The following PCDHGB4 variants were observed in gnomAD, a reference collection of about 807,000 sequenced individuals.
PCDHGB4 encodes protocadherin gamma-B4.
A neutral mutation model predicts 60.5 loss-of-function variants in PCDHGB4; 38 were observed. The ratio of observed to expected loss-of-function variants is 0.63; its 90% confidence interval spans 0.48 to 0.82. PCDHGB4 has a LOEUF of 0.82. Ranked by LOEUF, PCDHGB4 falls within the 40% of genes least tolerant of loss-of-function variation. The probability of loss-of-function intolerance (pLI) is 0.00; values close to 1 mark genes in which losing one functional copy is unlikely to be tolerated. For synonymous variants in PCDHGB4, 456 were observed against 509.7 expected (o/e 0.89, Z 1.42); for missense variants, 1,109 against 1,209.6 (o/e 0.92, Z 1.23).
In PCDHGB4 at chr5:141,394,367, A is replaced by G. The variant is rs201573539; in HGVS notation, c.2397+4086A>G. 248 of 1,614,150 alleles carry G rather than the reference A, an allele frequency of 1.5e-4. 1 individual carries two copies. Among genetic ancestry groups the G allele is most frequent in the Middle Eastern group, 1.2e-3 (7 of 6,062 alleles). The stretch of plus-strand genomic sequence containing the variant: ...ACACCGGTGTCCTGTATGCGCTGCA[A>G]TCTTTCGACTATGAGCAGATCCGAG... On this transcript the variant is annotated intron_variant, in intron 1 of 3. Coordinates refer to ENST00000519479, the MANE Select transcript of PCDHGB4 (RefSeq NM_003736.4).
chr5:141,409,022 A>G (rs1258261622), intron 1 of PCDHGB4: 1 of 1,614,046 alleles, frequency 6.2e-7, no homozygotes, highest in Non-Finnish European at 8.5e-7. Flanking sequence ...TGAGGGGGTC[A>G]ATGCTGAGAT....
rs759346998 is a variant in PCDHGB4 at position 141,410,849 on chromosome 5, C to CTTTTTTTTTTTTT, written c.2397+20578_2397+20590dup. 1.9e-3 allele frequency: 267 copies of CTTTTTTTTTTTTT among 138,158 alleles called. 27 individuals carry two copies. The highest frequency in any genetic ancestry group is 5.5e-3 in the African/African-American group (91 of 16,622). 8.6% of individuals were successfully genotyped at this position (138,158 alleles called of 1,614,324 possible). A position where few individuals can be genotyped will look rare whatever the true frequency, so the allele number is the denominator to read the frequency against. ...CAGACTGAAGATATTTTGTCTTTGT[C>CTTTTTTTTTTTTT]TTTTTTTTTTTTTTTTTTTTTTGAG... On this transcript the variant is annotated intron_variant, in intron 1 of 3. Coordinates refer to ENST00000519479, the MANE Select transcript of PCDHGB4 (RefSeq NM_003736.4).
At position 141,485,163 on chromosome 5, in the gene PCDHGB4, G is replaced by A. The variant is rs2099608470; in HGVS notation, c.2398-9644G>A. 14 of 1,604,624 alleles carry A rather than the reference G, an allele frequency of 8.7e-6. No individual in the cohort carries two copies. The highest frequency in any genetic ancestry group is 1.1e-5 in the Non-Finnish European group (13 of 1,172,560). ...TCTCAGGAGCAAGTAGAGAATTAGCGGGCGGCAGCAATGCTCCGCAAGGTG... is the reference window on the plus strand; with the variant it reads ...TCTCAGGAGCAAGTAGAGAATTAGCAGGCGGCAGCAATGCTCCGCAAGGTG... On this transcript the variant is annotated intron_variant, in intron 1 of 3. Coordinates refer to ENST00000519479, the MANE Select transcript of PCDHGB4 (RefSeq NM_003736.4). The surrounding 1 kb of genome is among the most constrained non-coding windows in gnomAD (Gnocchi z 5.7).
At chr5:141,418,863 TAG>T (rs1165304037) in intron 1 of PCDHGB4, 1 of 1,613,990 alleles carries the variant, frequency 6.2e-7, no homozygotes, top group Non-Finnish European at 8.5e-7. Context: ...AAAGTAATTG[TAG>T]AAGTTGTAGA....
In PCDHGB4 at chr5:141,489,129, T is replaced by G; in HGVS notation, c.2398-5678T>G. On this transcript the variant is annotated intron_variant, in intron 1 of 3. Coordinates refer to ENST00000519479, the MANE Select transcript of PCDHGB4 (RefSeq NM_003736.4). This position sits in a 1 kb window ranked among gnomAD's most constrained non-coding sequence, Gnocchi z 4.5. ...AAGCAGGCAAACCTCCGAGCAGTTT[T>G]TAAGAGGCTGGAAGGAGACATAAGA... 1 of 761,976 alleles carries G rather than the reference T, an allele frequency of 1.3e-6. No homozygotes were observed. The highest frequency in any genetic ancestry group is 2.0e-6 in the Non-Finnish European group (1 of 490,014). The allele number at this position is 761,976 out of a possible 1,614,324, so 47.2% of individuals were successfully genotyped here.
intron 1 of PCDHGB4, among the ~76,000 whole-genome samples, chr5:141,481,241 A>C (rs557107835): frequency 2.0e-5 from 3 of 152,350 alleles, no homozygotes; most frequent in South Asian, 2.1e-4. Flanking sequence ...AGTATTACAT[A>C]GCATAGCTCT....
chr5:141,392,964 G>A (rs772870041), intron 1 of PCDHGB4: 2 of 1,613,902 alleles, frequency 1.2e-6, no homozygotes, highest in South Asian at 1.1e-5. Context: ...TATCTCCAAG[G>A]ACCTGGGGCT....
At chr5:141,475,500 T>C (rs1393586791) in intron 1 of PCDHGB4, among the ~76,000 whole-genome samples, 1 of 152,248 alleles carries the variant, frequency 6.6e-6, no homozygotes, top group East Asian at 1.9e-4. Flanking sequence ...ACTGAAATTA[T>C]TAATGTCTCC....
At chr5:141,393,192 A>G in intron 1 of PCDHGB4, 2 of 1,613,468 alleles carry the variant, frequency 1.2e-6, no homozygotes, top group Non-Finnish European at 1.7e-6. Flanking sequence ...AATTGATATT[A>G]ACGATAATAA....
chr5:141,418,781 G>C, intron 1 of PCDHGB4: 1 of 1,613,716 alleles, frequency 6.2e-7, no homozygotes, highest in African/African-American at 1.3e-5. Context: ...GCAGCCTTTG[G>C]ATTTTGAAGA....
chr5:141,489,904 C>T lies in PCDHGB4; in HGVS notation c.2398-4903C>T, dbSNP rs750411680. On this transcript the variant is annotated intron_variant, in intron 1 of 3. Transcript: ENST00000519479. This position sits in a 1 kb window ranked among gnomAD's most constrained non-coding sequence, Gnocchi z 4.5. ...TGCTGTGGATGGGGGGACCCCAGCC[C>T]GCTCAGGGACCACCCTTATCTCTGT... 1.6e-5 allele frequency: 26 copies of T among 1,614,092 alleles called. No homozygotes were observed. The highest frequency in any genetic ancestry group is 3.3e-5 in the Admixed American group (2 of 60,014).
chr5:141,491,564 G>A lies in PCDHGB4; in HGVS notation c.2398-3243G>A, dbSNP rs2099721154. On this transcript the variant is annotated intron_variant, in intron 1 of 3. Coordinates refer to ENST00000519479, the MANE Select transcript of PCDHGB4 (RefSeq NM_003736.4). The surrounding 1 kb of genome is among the most constrained non-coding windows in gnomAD (Gnocchi z 6.9). Reference sequence around the variant, plus strand: ...ACAGACTCGCAGAGCCACTGCTACAGGACGTGCTTTTCACCGGCCTCGGAC... The same window carrying A: ...ACAGACTCGCAGAGCCACTGCTACAAGACGTGCTTTTCACCGGCCTCGGAC... The A allele has an allele frequency of 3.1e-6, 5 of 1,613,878 alleles. No individual in the cohort carries two copies. Among genetic ancestry groups the A allele is most frequent in the Non-Finnish European group, 8.5e-7 (1 of 1,180,042 alleles).
chr5:141,405,431 T>C (rs1308544171), intron 1 of PCDHGB4: 18 of 1,490,646 alleles, frequency 1.2e-5, no homozygotes, highest in Non-Finnish European at 1.6e-5. Context: ...TGTTTTGTTT[T>C]GTTTTTGAGA....
chr5:141,429,672 A>G (rs1036863132), intron 1 of PCDHGB4, among the ~76,000 whole-genome samples: 1 of 152,210 alleles, frequency 6.6e-6, no homozygotes, highest in African/African-American at 2.4e-5. Context: ...ATATTATTTT[A>G]TTTTATGCCT....
chr5:141,421,477 A>G (rs755936665), intron 1 of PCDHGB4: 23 of 1,614,022 alleles, frequency 1.4e-5, no homozygotes, highest in Non-Finnish European at 1.7e-6. Context: ...GCGAAGCGGC[A>G]GCTTGATCAC....
intron 1 of PCDHGB4, chr5:141,404,914 C>T (rs1423848318): frequency 1.2e-6 from 2 of 1,613,948 alleles, no homozygotes; most frequent in Non-Finnish European, 1.7e-6. Flanking sequence ...AGCCCCCTCT[C>T]TCGGCCACTG....
At chr5:141,468,403 A>C (rs2099166784) in intron 1 of PCDHGB4, 1 of 152,088 alleles carries the variant, frequency 6.6e-6, no homozygotes, top group African/African-American at 2.4e-5. Flanking sequence ...GGTGAGAACT[A>C]ATAATAAGTT....
chr5:141,509,148 C>T (rs1345910772), intron 3 of PCDHGB4, among the ~76,000 whole-genome samples: 1 of 152,198 alleles, frequency 6.6e-6, no homozygotes, highest in Non-Finnish European at 1.5e-5. Context: ...CATCCCGGCT[C>T]TCCCCTCCCG....
chr5:141,408,202 G>A (rs778320550), intron 1 of PCDHGB4: 6 of 1,549,832 alleles, frequency 3.9e-6, no homozygotes, highest in African/African-American at 1.4e-5. Flanking sequence ...CCGAGCGAAC[G>A]ATGGGAGGGA....
Sources: allele counts gnomAD v4.1 joint callset (sites outside exome capture counted in the v4.1 genomes callset), GRCh38; gene constraint gnomAD v4.1.1; non-coding constraint Gnocchi (gnomAD v3.1); transcripts MANE v1.5; gene names NCBI Gene and HGNC (gene_info 2026-07-23, HGNC 2026-07-21).